The following LUZP2 variants were observed in gnomAD, a reference collection of about 807,000 sequenced individuals.
LUZP2 encodes leucine zipper protein 2.
A neutral mutation model predicts 51.6 loss-of-function variants in LUZP2; 52 were observed. That is an observed-to-expected ratio of 1.01 (90% CI 0.81 to 1.27). LUZP2 has a LOEUF of 1.27. Among genes scored for constraint, LUZP2 ranks in the 50% most tolerant of loss-of-function variants. LUZP2 has a pLI of 0.00. For synonymous variants in LUZP2, 154 were observed against 137.3 expected (o/e 1.12, Z -0.85); for missense variants, 436 against 395.4 (o/e 1.10, Z -0.87).
chr11:24,917,786 TCTTTTGGCTTAG>T (rs1226566325), intron 7 of LUZP2, among the ~76,000 whole-genome samples: 3 of 152,174 alleles, frequency 2.0e-5, no homozygotes, highest in Non-Finnish European at 4.4e-5. Flanking sequence ...CCAGCTTTGT[TCTTTTGGCTTAG>T]GATTGACTTG....
At chr11:24,758,349 A>T (rs1859850143) in intron 4 of LUZP2, among the ~76,000 whole-genome samples, 1 of 146,236 alleles carries the variant, frequency 6.8e-6, no homozygotes, top group East Asian at 2.0e-4. Context: ...GTGTGTGTGT[A>T]CATGTGCTTG....
intron 5 of LUZP2, among the ~76,000 whole-genome samples, chr11:24,793,080 T>G (rs1849451128): frequency 1.3e-5 from 2 of 152,186 alleles, no homozygotes; most frequent in Admixed American, 6.5e-5. Context: ...GATTTGTTTC[T>G]TCATAGTACT....
At chr11:24,982,296 G>A (rs1445685305) in intron 8 of LUZP2, among the ~76,000 whole-genome samples, 1 of 151,746 alleles carries the variant, frequency 6.6e-6, no homozygotes, top group East Asian at 1.9e-4. Context: ...CTTCCATAAA[G>A]ACACATGCAT....
intron 7 of LUZP2, among the ~76,000 whole-genome samples, chr11:24,954,649 G>GGTTCA (rs1456623362): frequency 1.4e-4 from 21 of 152,016 alleles, no homozygotes; most frequent in Admixed American, 6.6e-5. Flanking sequence ...GCTGCATGGA[G>GGTTCA]ACTGCTTAAC....
chr11:24,858,865 A>T (rs1015373361), intron 5 of LUZP2, among the ~76,000 whole-genome samples: 6 of 152,174 alleles, frequency 3.9e-5, no homozygotes, highest in Admixed American at 6.5e-5. Flanking sequence ...ATATTTGGGG[A>T]TTATTCTTTA....
intron 9 of LUZP2, among the ~76,000 whole-genome samples, chr11:24,989,899 T>C (rs2133924235): frequency 6.6e-6 from 1 of 152,270 alleles, no homozygotes; most frequent in Non-Finnish European, 1.5e-5. Context: ...GTATTGCTAA[T>C]TATTATAAAT....
intron 5 of LUZP2, among the ~76,000 whole-genome samples, chr11:24,841,745 G>A (rs1243269017): frequency 6.6e-6 from 1 of 152,002 alleles, no homozygotes; most frequent in Non-Finnish European, 1.5e-5. Flanking sequence ...GATATTCTAG[G>A]CCTTGGGCCC....
At chr11:24,556,218 G>T (rs992403134) in intron 1 of LUZP2, among the ~76,000 whole-genome samples, 1 of 152,094 alleles carries the variant, frequency 6.6e-6, no homozygotes, top group African/African-American at 2.4e-5. Flanking sequence ...GGGAAATAAT[G>T]CTTCATTGTA....
intron 7 of LUZP2, among the ~76,000 whole-genome samples, chr11:24,955,839 T>C (rs1855196246): frequency 6.6e-6 from 1 of 152,062 alleles, no homozygotes; most frequent in South Asian, 2.1e-4. Flanking sequence ...GGGGAGTTTG[T>C]GTTCTATTGT....
chr11:24,520,935 C>T (rs867049675), intron 1 of LUZP2, among the ~76,000 whole-genome samples: 13 of 152,146 alleles, frequency 8.5e-5, no homozygotes, highest in Non-Finnish European at 1.0e-4. Flanking sequence ...TGCCTCAGTC[C>T]GCACCATCAT....
At chr11:25,019,094 T>C (rs1200665859) in intron 9 of LUZP2, among the ~76,000 whole-genome samples, 1 of 152,252 alleles carries the variant, frequency 6.6e-6, no homozygotes, top group Non-Finnish European at 1.5e-5. Flanking sequence ...GACACATCAC[T>C]ATGGTCATTG....
intron 1 of LUZP2, among the ~76,000 whole-genome samples, chr11:24,663,003 T>A (rs1856071958): frequency 6.6e-6 from 1 of 152,054 alleles, no homozygotes; most frequent in Non-Finnish European, 1.5e-5. Flanking sequence ...CTAAACTAAA[T>A]AAATAATAAT....
chr11:24,898,366 T>C (rs1245903140), intron 5 of LUZP2, among the ~76,000 whole-genome samples: 1 of 152,204 alleles, frequency 6.6e-6, no homozygotes, highest in Non-Finnish European at 1.5e-5. Flanking sequence ...GGCTCATGCC[T>C]ATAATTCTAG....
At chr11:24,651,407 C>G (rs1477051841) in intron 1 of LUZP2, among the ~76,000 whole-genome samples, 3 of 152,060 alleles carry the variant, frequency 2.0e-5, no homozygotes, top group East Asian at 1.9e-4. Flanking sequence ...TACACACACA[C>G]AGAAACCAAA....
At chr11:24,888,170 T>C (rs1362569229) in intron 5 of LUZP2, among the ~76,000 whole-genome samples, 1 of 152,164 alleles carries the variant, frequency 6.6e-6, no homozygotes, top group Non-Finnish European at 1.5e-5. Context: ...TTTACAGCCT[T>C]CATTCAGCTG....
intron 5 of LUZP2, among the ~76,000 whole-genome samples, chr11:24,777,516 TC>T (rs1284104859): frequency 6.6e-6 from 1 of 152,190 alleles, no homozygotes; most frequent in African/African-American, 2.4e-5. Context: ...GCATATATTA[TC>T]CTAGTGGATT....
intron 1 of LUZP2, among the ~76,000 whole-genome samples, chr11:24,658,861 C>A (rs932264044): frequency 2.0e-5 from 3 of 152,296 alleles, no homozygotes; most frequent in African/African-American, 7.2e-5. Context: ...CAAATCAAAA[C>A]CACAATGAGA....
At chr11:24,677,865 G>A (rs1215665209) in intron 1 of LUZP2, among the ~76,000 whole-genome samples, 1 of 151,832 alleles carries the variant, frequency 6.6e-6, no homozygotes, top group Non-Finnish European at 1.5e-5. Context: ...ATGAAACCCC[G>A]TCTCTACTAA....
chr11:24,605,821 A>G (rs1368085368), intron 1 of LUZP2, among the ~76,000 whole-genome samples: 1 of 151,826 alleles, frequency 6.6e-6, no homozygotes, highest in Non-Finnish European at 1.5e-5. Flanking sequence ...TATTTGTCTT[A>G]TAACTTCAAT....
Sources: gnomAD v4.1 joint callset for allele counts (sites outside exome capture counted in the v4.1 genomes callset) on GRCh38, gnomAD v4.1.1 for gene constraint, MANE v1.5 for transcripts, NCBI Gene and HGNC (gene_info 2026-07-23, HGNC 2026-07-21) for gene names.